The following CNTNAP2 variants were observed in gnomAD, a reference collection of about 807,000 sequenced individuals.
The protein encoded by CNTNAP2 is contactin associated protein 2.
In CNTNAP2, 98 loss-of-function variants were observed where a neutral mutation model predicts 155.2. The ratio of observed to expected loss-of-function variants is 0.63; its 90% CI spans 0.54 to 0.75. The LOEUF (loss-of-function observed/expected upper bound fraction) is 0.75, where lower values mean the gene tolerates loss of function less well. Ranked by LOEUF, CNTNAP2 falls within the 30% of genes least tolerant of loss-of-function variation. CNTNAP2 has a pLI of 0.00. For missense variants in CNTNAP2, 1,727 were observed against 1,688.1 expected (o/e 1.02, Z -0.40); for synonymous variants, 651 against 631.2 (o/e 1.03, Z -0.47).
chr7:146,138,798 CT>C (rs1797834501), intron 1 of CNTNAP2, among the ~76,000 whole-genome samples: 1 of 152,066 alleles, frequency 6.6e-6, no homozygotes, highest in Non-Finnish European at 1.5e-5. Flanking sequence ...ACCAAAAGAA[CT>C]TTAAGAAACA....
At chr7:147,548,608 T>G (rs1159234700) in intron 11 of CNTNAP2, among the ~76,000 whole-genome samples, 1 of 152,220 alleles carries the variant, frequency 6.6e-6, no homozygotes, top group East Asian at 1.9e-4. Flanking sequence ...CTCTTCAGTT[T>G]AATTAGATCC....
intron 15 of CNTNAP2, among the ~76,000 whole-genome samples, chr7:148,098,458 A>AG (rs1345878779): frequency 1.3e-5 from 2 of 149,670 alleles, no homozygotes; most frequent in Non-Finnish European, 3.0e-5. Context: ...AAAAAAAAAA[A>AG]AAAAAAAAAA....
intron 3 of CNTNAP2, among the ~76,000 whole-genome samples, chr7:146,855,242 C>G (rs1794951866): frequency 6.6e-6 from 1 of 151,970 alleles, no homozygotes; most frequent in African/African-American, 2.4e-5. Flanking sequence ...TGAGCATGTC[C>G]AATAGAACAA....
chr7:147,302,498 C>G (rs1414768978), intron 9 of CNTNAP2, among the ~76,000 whole-genome samples: 1 of 152,160 alleles, frequency 6.6e-6, no homozygotes, highest in Non-Finnish European at 1.5e-5. Flanking sequence ...ATACTGTCAG[C>G]TAATGATCAC....
intron 1 of CNTNAP2, among the ~76,000 whole-genome samples, chr7:146,668,441 T>G (rs78752387): frequency 2.7e-4 from 38 of 139,398 alleles, no homozygotes; most frequent in Middle Eastern, 3.7e-3. Context: ...TGTGTGTGTG[T>G]GTGTGTGTGT....
At chr7:146,869,149 G>A (rs970012749) in intron 3 of CNTNAP2, among the ~76,000 whole-genome samples, 3 of 152,160 alleles carry the variant, frequency 2.0e-5, no homozygotes, top group Non-Finnish European at 4.4e-5. Context: ...GTTGGCTGTG[G>A]TTTTGTCATA....
chr7:146,687,746 T>G (rs1253713418), intron 1 of CNTNAP2, among the ~76,000 whole-genome samples: 1 of 152,122 alleles, frequency 6.6e-6, no homozygotes. Flanking sequence ...AATAAGGAGA[T>G]GACAATGCAA....
chr7:146,645,252 A>T (rs993649380), intron 1 of CNTNAP2, among the ~76,000 whole-genome samples: 2 of 152,184 alleles, frequency 1.3e-5, no homozygotes, highest in African/African-American at 4.8e-5. Context: ...ACAAGAAAAA[A>T]ATCATGGCTA....
At chr7:147,841,565 C>T (rs1198907367) in intron 13 of CNTNAP2, among the ~76,000 whole-genome samples, 2 of 152,158 alleles carry the variant, frequency 1.3e-5, no homozygotes, top group Admixed American at 1.3e-4. Context: ...AAAGACCCTA[C>T]GCTACCTATT....
At chr7:146,912,796 A>G (rs1421751496) in intron 3 of CNTNAP2, among the ~76,000 whole-genome samples, 2 of 152,174 alleles carry the variant, frequency 1.3e-5, no homozygotes, top group African/African-American at 2.4e-5. Context: ...ATTGTTGAGT[A>G]TCTGCCCTAA....
chr7:148,326,937 G>A (rs118050538), intron 21 of CNTNAP2, among the ~76,000 whole-genome samples: 2,488 of 152,126 alleles, frequency 0.016, 26 homozygotes, highest in Non-Finnish European at 0.024. Flanking sequence ...GGCAGATGTG[G>A]GCCACAGTTT....
At chr7:146,665,195 C>T (rs1412856286) in intron 1 of CNTNAP2, among the ~76,000 whole-genome samples, 1 of 152,130 alleles carries the variant, frequency 6.6e-6, no homozygotes, top group Admixed American at 6.5e-5. Context: ...GTGATCTGCC[C>T]ATCTTGGCCT....
chr7:148,109,642 C>G (rs1415798056), intron 15 of CNTNAP2, among the ~76,000 whole-genome samples: 1 of 137,154 alleles, frequency 7.3e-6, no homozygotes, highest in African/African-American at 3.1e-5. Flanking sequence ...CCTTGGCCTC[C>G]CAAAGTGCTG....
chr7:146,981,771 TAAAAC>T (rs925638330), intron 3 of CNTNAP2, among the ~76,000 whole-genome samples: 4 of 152,136 alleles, frequency 2.6e-5, no homozygotes, highest in African/African-American at 7.2e-5. Context: ...AGAAAAGGCT[TAAAAC>T]AAAACGATTA....
intron 13 of CNTNAP2, among the ~76,000 whole-genome samples, chr7:147,900,045 C>T (rs1353584842): frequency 6.6e-6 from 1 of 152,144 alleles, no homozygotes; most frequent in Non-Finnish European, 1.5e-5. Flanking sequence ...AGTGACCTTC[C>T]AGCTGTCAAA....
chr7:147,962,317 T>C (rs929653719), intron 14 of CNTNAP2, among the ~76,000 whole-genome samples: 7 of 152,340 alleles, frequency 4.6e-5, no homozygotes, highest in Admixed American at 4.6e-4. Context: ...TGAATTAGAA[T>C]GTTAGTCTAT....
intron 8 of CNTNAP2, among the ~76,000 whole-genome samples, chr7:147,166,239 CA>C (rs1802110909): frequency 6.6e-6 from 1 of 152,150 alleles, no homozygotes; most frequent in African/African-American, 2.4e-5. Context: ...ATGGCACTCA[CA>C]GCTATCTGAA....
rs142463403 is a variant in CNTNAP2, at chr7:147,852,322, G to A, written c.2099-51243G>A. ...TATTTTGCAAACTACAATTACAGAG[G>A]AGGTATGAATGAAAAGTTTTCTGTA... On this transcript the variant is annotated intron_variant, in intron 13 of 23. Transcript: ENST00000361727. 4.6e-5 allele frequency among the ~76,000 whole-genome samples: 7 copies of A among 152,218 alleles called. No homozygotes were observed. In the East Asian group the frequency reaches 1.4e-3, roughly 29 times the overall value.
intron 22 of CNTNAP2, among the ~76,000 whole-genome samples, chr7:148,405,233 G>A (rs1799671540): frequency 6.6e-6 from 1 of 152,098 alleles, no homozygotes. Context: ...TCCAGCTCAA[G>A]GGAGTCTTTC....
Sources: allele counts gnomAD v4.1 joint callset (sites outside exome capture counted in the v4.1 genomes callset), GRCh38; gene constraint gnomAD v4.1.1; transcripts MANE v1.5; gene names NCBI Gene and HGNC (gene_info 2026-07-23, HGNC 2026-07-21).